Variants in CEP250 observed in about 807,000 individuals in gnomAD.
The protein encoded by CEP250 is centrosome-associated protein CEP250.
Under a neutral mutation model 315.7 loss-of-function variants are expected in CEP250, and 242 were observed. The ratio of observed to expected loss-of-function variants is 0.77; its 90% CI spans 0.69 to 0.85. The LOEUF (loss-of-function observed/expected upper bound fraction) is 0.85, where lower values mean the gene tolerates loss of function less well. Ranked by LOEUF, CEP250 falls within the 40% of genes least tolerant of loss-of-function variation. The probability of loss-of-function intolerance (pLI) is 0.00; values close to 1 mark genes in which losing one functional copy is unlikely to be tolerated. For missense variants in CEP250, 2,515 were observed against 2,886.4 expected (o/e 0.87, Z 2.95); for synonymous variants, 1,088 against 1,175.0 (o/e 0.93, Z 1.51).
In CEP250 at chr20:35,508,204, T is replaced by G. The variant is rs1289008476; in HGVS notation, c.6906+14T>G. 4 of 1,613,210 alleles carry G rather than the reference T, an allele frequency of 2.5e-6. No individual in the cohort carries two copies. The highest frequency in any genetic ancestry group is 3.4e-6 in the Non-Finnish European group (4 of 1,179,658). ...ACCTTGGAGCAGGTGACCCCTCTTC[T>G]TGTCCAGTGGGCATGCATCTCCACT... On this transcript the variant is annotated intron_variant, in intron 32 of 34. Transcript: ENST00000397527.
intron 34 of CEP250, among the ~76,000 whole-genome samples, chr20:35,510,500 G>A (rs1345172942): frequency 6.6e-6 from 1 of 152,352 alleles, no homozygotes; most frequent in East Asian, 1.9e-4. Context: ...TCGCAGAGAA[G>A]TGACTTGAAG....
chr20:35,501,780 C>A, intron 28 of CEP250, 65 bp from the exon 29 acceptor site: 2 of 1,507,236 alleles, frequency 1.3e-6, no homozygotes, highest in East Asian at 2.5e-5. Flanking sequence ...GCCTCTATAT[C>A]CCTCTATATC....
rs561035032 is a variant in CEP250 at position 35,497,933 on chromosome 20, ACCAGGCCCAGGC to A, written c.3532_3543del (p.Ala1178_Gln1181del). 9 of 1,611,742 alleles carry A rather than the reference ACCAGGCCCAGGC, an allele frequency of 5.6e-6. No homozygotes were observed. The highest frequency in any genetic ancestry group is 1.7e-5 in the Admixed American group (1 of 59,664). ...CTGGCCGCAGAGCAGCAGCCCGGGA[ACCAGGCCCAGGC>A]CCAGGCCCAGCTGGCCAGCCTCTAC... On this transcript the variant is annotated inframe_deletion, in exon 26 of 35. Coordinates refer to ENST00000397527, the MANE Select transcript of CEP250 (RefSeq NM_007186.6).
At chr20:35,488,074 T>A (rs568631340) in intron 20 of CEP250, among the ~76,000 whole-genome samples, 1 of 152,358 alleles carries the variant, frequency 6.6e-6, no homozygotes, top group South Asian at 2.1e-4. Flanking sequence ...TTTACTCATG[T>A]CCCAGTGGTG....
Position 35,511,380 on chromosome 20 carries a change from TC to T in CEP250, c.7084del (p.Gln2362SerfsTer2). The T allele has an allele frequency of 6.2e-7, 1 of 1,605,394 alleles. No homozygotes were observed. The highest frequency in any genetic ancestry group is 1.1e-5 in the South Asian group (1 of 90,612). On this transcript the variant is annotated frameshift_variant, in exon 35 of 35. Transcript: ENST00000397527. LOFTEE classifies it high-confidence loss of function. ...CCCACCAGGTGGTCCTGCTGCAAGC[TC>T]AGCTGACTTTGGAGCGGAAGCAGAA... ...LQKEVVLLQA[Q>X]LTLERKQKQD...
chr20:35,501,642 G>T (rs1445987986), intron 28 of CEP250, among the ~76,000 whole-genome samples: 1 of 152,172 alleles, frequency 6.6e-6, no homozygotes, highest in African/African-American at 2.4e-5. Context: ...AGCAGGGAGT[G>T]CTGCCAGGCA....
chr20:35,493,564 C>A lies in CEP250; in HGVS notation c.3025C>A (p.Gln1009Lys). 1 of 1,549,702 alleles carries A rather than the reference C, an allele frequency of 6.5e-7. No individual in the cohort carries two copies. Among genetic ancestry groups the A allele is most frequent in the Non-Finnish European group, 8.7e-7 (1 of 1,150,742 alleles). The change falls in exon 23 of 35, where the codon CAG (glutamine) becomes AAG (lysine). Residue 1009 changes from glutamine to lysine, a missense_variant. Gln to Lys is a moderately conservative substitution (Grantham distance 53). Coordinates refer to ENST00000397527, the MANE Select transcript of CEP250 (RefSeq NM_007186.6). ...CCTGCTGCAGGATAAGATGGACCTG[C>A]AGAAGCAGGTCCCCTCCTCCTCCCC... ...SSLLQDKMDLQKQVEDLKSQL... is the reference protein window; with the variant it reads ...SSLLQDKMDLKKQVEDLKSQL...
intron 20 of CEP250, among the ~76,000 whole-genome samples, chr20:35,487,447 G>A (rs1022637746): frequency 2.6e-5 from 4 of 152,098 alleles, no homozygotes; most frequent in African/African-American, 9.7e-5. Flanking sequence ...TCCAGCCTGG[G>A]CAACAGAGTG....
chr20:35,510,003 G>A lies in CEP250; in HGVS notation c.7014G>A (p.Gly2338=), dbSNP rs1372981447. 1.9e-6 allele frequency: 3 copies of A among 1,614,184 alleles called. No homozygotes were observed. The highest frequency in any genetic ancestry group is 1.7e-5 in the Admixed American group (1 of 60,032). Reference sequence around the variant, plus strand: ...GTGCTGTTTGTCTTCCTTAGGATGGGAGAGGACAGAAGAACTCAGATGCCA... The same window carrying A: ...GTGCTGTTTGTCTTCCTTAGGATGGAAGAGGACAGAAGAACTCAGATGCCA... ...ATASSPTQQD[G]RGQKNSDAKC... Residue 2338 remains glycine (G), a synonymous_variant, in exon 34 of 35, where the codon GGG becomes GGA. Transcript: ENST00000397527.
chr20:35,467,943 C>CTTTTTTTTTT (rs10649518), intron 9 of CEP250, among the ~76,000 whole-genome samples: 3 of 117,980 alleles, frequency 2.5e-5, no homozygotes, highest in African/African-American at 7.0e-5. Context: ...AATATTACCT[C>CTTTTTTTTTT]TTTTTTTTTT....
chr20:35,507,723 A>G lies in CEP250; in HGVS notation c.6637-15A>G. On this transcript the variant is annotated splice_polypyrimidine_tract_variant and intron_variant, in intron 30 of 34. Coordinates refer to ENST00000397527, the MANE Select transcript of CEP250 (RefSeq NM_007186.6). ...TTGGCAAGGTGTGATTTTGCTCCATACCTCCGTACCCTAGGATGAACTGGA... is the reference window on the plus strand; with the variant it reads ...TTGGCAAGGTGTGATTTTGCTCCATGCCTCCGTACCCTAGGATGAACTGGA... 1.3e-6 allele frequency: 2 copies of G among 1,550,794 alleles called. No homozygotes were observed. Among genetic ancestry groups the G allele is most frequent in the Non-Finnish European group, 1.7e-6 (2 of 1,146,160 alleles).
rs991868172 is a variant in CEP250, at chr20:35,473,654, C to A, written c.1388+102C>A. 7 of 1,261,906 alleles carry A rather than the reference C, an allele frequency of 5.5e-6. No homozygotes were observed. The Admixed American group carries it at 1.9e-4, about 34-fold the overall frequency. 78.2% of individuals were successfully genotyped at this position (1,261,906 alleles called of 1,614,324 possible). On this transcript the variant is annotated intron_variant, in intron 13 of 34. Transcript: ENST00000397527. ...CCATCAGGTTTTTGGGGTGCTGATCCTGTTCTCCTTGAGACTCAGGGCTGT... is the reference window on the plus strand; with the variant it reads ...CCATCAGGTTTTTGGGGTGCTGATCATGTTCTCCTTGAGACTCAGGGCTGT...
chr20:35,466,450 G>C (rs929618518), intron 7 of CEP250, among the ~76,000 whole-genome samples: 4 of 152,148 alleles, frequency 2.6e-5, no homozygotes, highest in African/African-American at 7.2e-5. Flanking sequence ...GAGCAACTCT[G>C]TTCCTGCAGC....
At chr20:35,460,544 A>G (rs911522735) in intron 3 of CEP250, among the ~76,000 whole-genome samples, 2 of 152,112 alleles carry the variant, frequency 1.3e-5, no homozygotes, top group African/African-American at 2.4e-5. Flanking sequence ...TAAAGGAGAC[A>G]GGCGCTGTTC....
chr20:35,507,611 C>G, intron 30 of CEP250, 127 bp from the exon 31 acceptor site: 1 of 751,370 alleles, frequency 1.3e-6, no homozygotes, highest in Non-Finnish European at 2.3e-6. Context: ...TAGAATGACT[C>G]AGAGCCTCTA....
intron 13 of CEP250, 101 bp downstream of exon 13, chr20:35,473,653 C>T (rs1243793648): frequency 9.5e-6 from 12 of 1,257,210 alleles, no homozygotes; most frequent in Non-Finnish European, 1.3e-5. Context: ...GGGTGCTGAT[C>T]CTGTTCTCCT....
In CEP250 at chr20:35,476,210, T is replaced by C. The variant is rs146240917; in HGVS notation, c.1717-239T>C. The C allele has an allele frequency of 1.6e-3, 626 of 392,724 alleles. 2 individuals are homozygous for C. The highest frequency in any genetic ancestry group is 0.012 in the African/African-American group (589 of 49,680). 24.3% of individuals were successfully genotyped at this position (392,724 alleles called of 1,614,324 possible). On this transcript the variant is annotated intron_variant, in intron 15 of 34. Transcript: ENST00000397527. ...CCCAGAGCACTTTGTGCTTACATTTTCTGTGGCATCATTACAATCATAGTC... is the reference window on the plus strand; with the variant it reads ...CCCAGAGCACTTTGTGCTTACATTTCCTGTGGCATCATTACAATCATAGTC...
Position 35,503,430 on chromosome 20 carries a change from G to C in CEP250, c.5061G>C (p.Gln1687His). The C allele has an allele frequency of 6.2e-7, 1 of 1,614,182 alleles. No individual in the cohort carries two copies. ...QTKILEEDLE[Q>H]IKLSLRERGR... ...AGATCCTGGAGGAGGACCTGGAACA[G>C]ATCAAGCTGTCCTTGAGAGAGCGAG... Residue 1687 changes from glutamine (Q) to histidine (H), a missense_variant, in exon 30 of 35, where the codon CAG becomes CAC. Transcript: ENST00000397527. The surrounding 1 kb of genome is among the most constrained non-coding windows in gnomAD (Gnocchi z 4.2).
Position 35,462,406 on chromosome 20 carries a change from C to A in CEP250, c.39C>A (p.Pro13=). 6.3e-7 allele frequency: 1 copy of A among 1,597,076 alleles called. No homozygotes were observed. The highest frequency in any genetic ancestry group is 2.3e-5 in the East Asian group (1 of 44,136). The change falls in exon 4 of 35, where the codon CCC becomes CCA. Residue 13 remains proline, a synonymous_variant. Coordinates refer to ENST00000397527, the MANE Select transcript of CEP250 (RefSeq NM_007186.6). ...GCCCTGGGTTGAACAACATGAAGCC[C>A]CAGTCACTGCAGCTGGTACTGGAAG... is the stretch of plus-strand genomic sequence containing the variant. The part of the protein sequence containing the change: ...TRSPGLNNMK[P]QSLQLVLEEQ...
Sources: allele counts gnomAD v4.1 joint callset (sites outside exome capture counted in the v4.1 genomes callset), GRCh38; gene constraint gnomAD v4.1.1; non-coding constraint Gnocchi (gnomAD v3.1); transcripts MANE v1.5; gene names NCBI Gene and HGNC (gene_info 2026-07-23, HGNC 2026-07-21).